The following KDM1B variants were observed in gnomAD, a reference collection of about 807,000 sequenced individuals.
KDM1B encodes lysine-specific histone demethylase 2.
Under a neutral mutation model 107.4 loss-of-function variants are expected in KDM1B, and 63 were observed. The observed-to-expected ratio is 0.59, with a 90% CI of 0.48 to 0.72. KDM1B has a LOEUF of 0.72. Among genes scored for constraint, KDM1B ranks in the 30% least tolerant of loss-of-function variants. The pLI is 0.00. For synonymous variants in KDM1B, 363 were observed against 363.9 expected, an observed-to-expected ratio of 1.00 and a Z score of 0.03; for missense variants, 749 against 1,020.8, an observed-to-expected ratio of 0.73 and a Z score of 3.63.
Position 18,201,722 on chromosome 6 carries a change from A to G in KDM1B, c.1531+65A>G, listed in dbSNP as rs374313473. 3.6e-5 allele frequency: 49 copies of G among 1,377,742 alleles called. No homozygotes were observed. The East Asian group carries it at 4.5e-4, about 13-fold the overall frequency. 85.3% of individuals were successfully genotyped at this position (1,377,742 alleles called of 1,614,324 possible). ...TCGTTGTTACCTAAGCTTCATCAGC[A>G]GTGGCATTGTTCATTTGCGAGGTCG... On this transcript the variant is annotated intron_variant, in intron 14 of 21. Transcript: ENST00000650836. The surrounding 1 kb of genome is among the most constrained non-coding windows in gnomAD (Gnocchi z 4.3).
chr6:18,200,505 G>A lies in KDM1B; in HGVS notation c.1288G>A (p.Val430Ile), dbSNP rs757331003. Residue 430 changes from valine to isoleucine, a missense_variant, in exon 13 of 22, where the codon GTC becomes ATC. By Grantham distance (29) the Val-to-Ile change is conservative. Coordinates refer to ENST00000650836, the MANE Select transcript of KDM1B (RefSeq NM_001364614.2). This position sits in a 1 kb window ranked among gnomAD's most constrained non-coding sequence, Gnocchi z 4.3. ...RVWDDKSFKG[V>I]TVGRGAQIVN... ...CTGGGATGATAAATCTTTTAAAGGC[G>A]TCACAGTGGGAAGAGGAGCTCAGAT... 6.2e-6 allele frequency: 10 copies of A among 1,614,088 alleles called. No individual in the cohort carries two copies. The highest frequency in any genetic ancestry group is 3.3e-5 in the South Asian group (3 of 91,084).
Position 18,222,069 on chromosome 6 carries a change from GA to G in KDM1B, c.*78del. On this transcript the variant is annotated 3_prime_UTR_variant, in exon 22 of 22. Coordinates refer to ENST00000650836, the MANE Select transcript of KDM1B (RefSeq NM_001364614.2). Reference sequence around the variant, plus strand: ...CACATGTTAAACCTCAGTTTTATAAGAGGGGGAAAAAACCGTCTCTACATAG... The same window carrying G: ...CACATGTTAAACCTCAGTTTTATAAGGGGGGAAAAAACCGTCTCTACATAG... 1.5e-6 allele frequency: 2 copies of G among 1,325,358 alleles called. No individual in the cohort carries two copies. The highest frequency in any genetic ancestry group is 2.2e-6 in the Non-Finnish European group (2 of 916,968). The allele number at this position is 1,325,358 out of a possible 1,614,324, so 82.1% of individuals were successfully genotyped here.
chr6:18,164,791 GTGCGCCAC>G (rs1785189041), intron 5 of KDM1B, among the ~76,000 whole-genome samples: 1 of 151,930 alleles, frequency 6.6e-6, no homozygotes. Context: ...GATTACAGGT[GTGCGCCAC>G]CATGCCCAGC....
At chr6:18,176,516 C>T (rs1231116178) in intron 7 of KDM1B, among the ~76,000 whole-genome samples, 1 of 152,104 alleles carries the variant, frequency 6.6e-6, no homozygotes, top group African/African-American at 2.4e-5. Flanking sequence ...TGAGATTGGG[C>T]ATCCTTGTTT....
intron 7 of KDM1B, among the ~76,000 whole-genome samples, chr6:18,180,677 C>G (rs111810564): frequency 0.038 from 5,763 of 152,208 alleles, 121 homozygotes; most frequent in Middle Eastern, 0.071. Flanking sequence ...GCGATTCTCC[C>G]ACGTCAGCCT....
intron 5 of KDM1B, among the ~76,000 whole-genome samples, chr6:18,165,128 A>ATTTT (rs35906579): frequency 0.094 from 7,701 of 81,504 alleles, 1,281 homozygotes; most frequent in Middle Eastern, 0.17. Context: ...GCCTTCTCTG[A>ATTTT]TTTTTTTTTT....
intron 7 of KDM1B, among the ~76,000 whole-genome samples, chr6:18,174,019 C>T (rs1456595777): frequency 3.9e-5 from 6 of 152,116 alleles, no homozygotes; most frequent in Non-Finnish European, 8.8e-5. Context: ...CTCCTGACCT[C>T]GTGATCCACC....
chr6:18,195,865 C>G (rs1787616958), intron 10 of KDM1B, among the ~76,000 whole-genome samples: 1 of 151,980 alleles, frequency 6.6e-6, no homozygotes, highest in South Asian at 2.1e-4. Context: ...CCATGATATT[C>G]AAGTATATAA....
chr6:18,188,074 A>G, intron 9 of KDM1B, 72 bp downstream of exon 9: 1 of 1,337,100 alleles, frequency 7.5e-7, no homozygotes, highest in South Asian at 1.3e-5. Context: ...TGAGTGAGCA[A>G]AACGCAAAGG....
At chr6:18,202,435 CTTTTGTA>C (rs1000467244) in intron 14 of KDM1B, among the ~76,000 whole-genome samples, 2 of 152,050 alleles carry the variant, frequency 1.3e-5, no homozygotes, top group Admixed American at 6.6e-5. Context: ...AATCTTTTGG[CTTTTGTA>C]CTTAAATGGG....
chr6:18,208,599 GTA>G (rs1561949339), intron 17 of KDM1B, among the ~76,000 whole-genome samples: 4 of 40,692 alleles, frequency 9.8e-5, no homozygotes, highest in African/African-American at 4.4e-4. Context: ...AGAAGTATGT[GTA>G]TGTATATATA....
intron 8 of KDM1B, 133 bp from the exon 9 acceptor site, chr6:18,187,659 T>TCA: frequency 1.7e-6 from 1 of 574,096 alleles, no homozygotes; most frequent in Non-Finnish European, 3.1e-6. Flanking sequence ...AATAGAATTG[T>TCA]TAAGTCTGAG....
chr6:18,218,462 T>C (rs565441283), intron 21 of KDM1B, among the ~76,000 whole-genome samples: 12 of 152,286 alleles, frequency 7.9e-5, no homozygotes, highest in Middle Eastern at 3.4e-3. Context: ...ACAGACATTA[T>C]TGACTGCCTC....
In KDM1B at chr6:18,209,793, T is replaced by C. The variant is rs774195551; in HGVS notation, c.1866+1587T>C. 6.6e-6 allele frequency among the ~76,000 whole-genome samples: 1 copy of C among 152,176 alleles called. No individual in the cohort carries two copies. The highest frequency in any genetic ancestry group is 1.5e-5 in the Non-Finnish European group (1 of 68,040). On this transcript the variant is annotated intron_variant, in intron 17 of 21. Transcript: ENST00000650836. The surrounding 1 kb of genome is among the most constrained non-coding windows in gnomAD (Gnocchi z 4.3). The stretch of plus-strand genomic sequence containing the variant: ...CGGCTAGTCATGTTTTTAAAGCTTC[T>C]CAAGTGATTCCAGTGTGCAGCCGTG...
At position 18,197,291 on chromosome 6, in the gene KDM1B, G is replaced by A; in HGVS notation, c.1146+58G>A. 6.8e-7 allele frequency: 1 copy of A among 1,461,586 alleles called. No homozygotes were observed. The highest frequency in any genetic ancestry group is 9.4e-7 in the Non-Finnish European group (1 of 1,067,412). 90.5% of individuals were successfully genotyped at this position (1,461,586 alleles called of 1,614,324 possible). On this transcript the variant is annotated intron_variant, in intron 11 of 21. Transcript: ENST00000650836. This position sits in a 1 kb window ranked among gnomAD's most constrained non-coding sequence, Gnocchi z 4.5. ...CATTGATCAGGACAAACGCTAGTCT[G>A]TTGCTGTTAATAAATATAGTAAAAG...
rs1268957195 is a variant in KDM1B at position 18,155,769 on chromosome 6, AT to A, written c.-57-113del. 6.6e-6 allele frequency: 1 copy of A among 152,172 alleles called. No individual in the cohort carries two copies. The highest frequency in any genetic ancestry group is 2.4e-5 in the African/African-American group (1 of 41,430). 9.4% of individuals were successfully genotyped at this position (152,172 alleles called of 1,614,324 possible). The stretch of plus-strand genomic sequence containing the variant: ...GATTAAAAGAGGGTGCGGGGTGGGT[AT>A]CTGTCTGAAGAAGGGGGAATTCCCG... On this transcript the variant is annotated intron_variant, in intron 1 of 21. Transcript: ENST00000650836. This position sits in a 1 kb window ranked among gnomAD's most constrained non-coding sequence, Gnocchi z 6.2.
intron 10 of KDM1B, among the ~76,000 whole-genome samples, chr6:18,194,842 G>T (rs939970493): frequency 1.3e-5 from 2 of 152,012 alleles, no homozygotes; most frequent in Non-Finnish European, 2.9e-5. Flanking sequence ...CAGCTCAGTG[G>T]CATTAAATAC....
intron 7 of KDM1B, among the ~76,000 whole-genome samples, chr6:18,175,121 C>T (rs566695164): frequency 1.3e-5 from 2 of 152,280 alleles, no homozygotes; most frequent in Admixed American, 1.3e-4. Flanking sequence ...AGAAATGTTC[C>T]CTGTTCACTG....
chr6:18,179,323 C>T (rs750734401), intron 7 of KDM1B, among the ~76,000 whole-genome samples: 4 of 152,136 alleles, frequency 2.6e-5, no homozygotes, highest in Admixed American at 6.5e-5. Flanking sequence ...ATTTTTGCAT[C>T]TGTGTTTGTC....
Sources: gnomAD v4.1 joint callset for allele counts (sites outside exome capture counted in the v4.1 genomes callset) on GRCh38, gnomAD v4.1.1 for gene constraint, Gnocchi (gnomAD v3.1) non-coding constraint, MANE v1.5 for transcripts, NCBI Gene and HGNC (gene_info 2026-07-23, HGNC 2026-07-21) for gene names.